CDH23: variants seen among roughly 807,000 people sequenced by gnomAD.
CDH23 encodes cadherin related 23.
CDH23 carries 189 observed loss-of-function variants against 317.1 expected under a neutral mutation model. That is an observed-to-expected ratio of 0.60 (90% CI 0.53 to 0.67). The LOEUF is 0.67. CDH23 is among the 30% of genes least tolerant of loss of function. CDH23 has a pLI of 0.00. For synonymous variants in CDH23, 1,839 were observed against 1,876.8 expected (o/e 0.98, Z 0.52); for missense variants, 4,401 against 4,592.4 (o/e 0.96, Z 1.20).
chr10:71,417,928 G>T (rs112004862), intron 1 of CDH23, among the ~76,000 whole-genome samples: 3 of 152,104 alleles, frequency 2.0e-5, no homozygotes, highest in Non-Finnish European at 2.9e-5. Context: ...TATTTTCTGC[G>T]GGTCTATTTT....
chr10:71,452,869 C>T (rs771889941), intron 3 of CDH23, among the ~76,000 whole-genome samples: 48 of 152,248 alleles, frequency 3.2e-4, no homozygotes, highest in Non-Finnish European at 5.9e-4. Flanking sequence ...CAGTGATTGT[C>T]CTGGAGAGAT....
intron 6 of CDH23, among the ~76,000 whole-genome samples, chr10:71,555,768 T>A (rs1856843148): frequency 6.6e-6 from 1 of 152,188 alleles, no homozygotes; most frequent in Non-Finnish European, 1.5e-5. Flanking sequence ...TGTTTCATGC[T>A]TGGGTATCAC....
chr10:71,451,228 G>T (rs868281684), intron 3 of CDH23, among the ~76,000 whole-genome samples: 22 of 152,250 alleles, frequency 1.4e-4, no homozygotes, highest in Admixed American at 2.6e-4. Context: ...TACCCCAGCA[G>T]CTTCCTCAGG....
At chr10:71,400,387 G>C (rs78921389) in intron 1 of CDH23, among the ~76,000 whole-genome samples, 4,076 of 151,690 alleles carry the variant, frequency 0.027, 111 homozygotes, top group African/African-American at 0.066. Flanking sequence ...AGAGAGGGCA[G>C]CTCTGCCAGG....
At position 71,645,904 on chromosome 10, in the gene CDH23, T is replaced by A; in HGVS notation, c.1214T>A (p.Val405Asp). ...CACTTCATCATCTCCCCGACCTCCGTCCAGGGGAAGGCGGACATTCGTATT... is the reference window on the plus strand; with the variant it reads ...CACTTCATCATCTCCCCGACCTCCGACCAGGGGAAGGCGGACATTCGTATT... ...SHHFIISPTS[V>D]QGKADIRIRV... Residue 405 changes from valine (V) to aspartate (D), a missense_variant, in exon 13 of 70, where the codon GTC (valine) becomes GAC (aspartate). By Grantham distance (152) the Val-to-Asp change is radical (BLOSUM62 -3). This residue lies in a region of CDH23 where 3,068 missense variants were observed against 3,203.3 expected (regional missense o/e 0.96). Coordinates refer to ENST00000224721, the MANE Select transcript of CDH23 (RefSeq NM_022124.6). 6.2e-7 allele frequency: 1 copy of A among 1,613,642 alleles called. No individual in the cohort carries two copies. Among genetic ancestry groups the A allele is most frequent in the Non-Finnish European group, 8.5e-7 (1 of 1,179,694 alleles).
Position 71,788,984 on chromosome 10 carries a change from C to T in CDH23, c.5865C>T (p.Asn1955=), listed in dbSNP as rs762382800. Reference sequence around the variant, plus strand: ...TCTTCCTTTCTGATGAGAATGACAACCACCCCCTCTTCACTAAAAGCACCT... The same window carrying T: ...TCTTCCTTTCTGATGAGAATGACAATCACCCCCTCTTCACTAAAAGCACCT... ...LLIFLSDEND[N]HPLFTKSTYQ... The change falls in exon 45 of 70, where the codon AAC becomes AAT. Residue 1955 remains asparagine (N), a synonymous_variant. Transcript: ENST00000224721. 3.1e-6 allele frequency: 5 copies of T among 1,605,668 alleles called. No individual in the cohort carries two copies. The highest frequency in any genetic ancestry group is 3.4e-6 in the Non-Finnish European group (4 of 1,172,456).
chr10:71,444,695 G>A (rs935643466), intron 2 of CDH23, among the ~76,000 whole-genome samples: 4 of 152,228 alleles, frequency 2.6e-5, no homozygotes, highest in Non-Finnish European at 2.9e-5. Flanking sequence ...GTCCCAACTA[G>A]GAGGCATCTT....
At position 71,760,183 on chromosome 10, in the gene CDH23, ATATATATGTATATACATATATATGTG is replaced by A. The variant is rs1254807290; in HGVS notation, c.4846-17495_4846-17470del. ...TATGTATATACATATATATGTGTGT[ATATATATGTATATACATATATATGTG>A]TGTATATATGTGTATATATATGTAT... is the stretch of plus-strand genomic sequence containing the variant. On this transcript the variant is annotated intron_variant, in intron 38 of 69. Transcript: ENST00000224721. Among the ~76,000 whole-genome samples, 3 of 53,982 alleles carry A rather than the reference ATATATATGTATATACATATATATGTG, an allele frequency of 5.6e-5. 1 individual carries two copies. The highest frequency in any genetic ancestry group is 1.8e-4 in the African/African-American group (2 of 11,118). 35.4% of individuals were successfully genotyped at this position (53,982 alleles called of 152,430 possible). A position where few individuals can be genotyped will look rare whatever the true frequency, so the allele number is the denominator to read the frequency against.
intron 9 of CDH23, among the ~76,000 whole-genome samples, chr10:71,583,809 CAAGGAAAGCA>C (rs1235016154): frequency 1.3e-5 from 2 of 152,094 alleles, no homozygotes; most frequent in Non-Finnish European, 2.9e-5. Context: ...GAGACATAGA[CAAGGAAAGCA>C]AGGCTCAGAG....
At chr10:71,741,988 G>T (rs1243276103) in intron 38 of CDH23, 67 bp downstream of exon 38, 2 of 1,254,648 alleles carry the variant, frequency 1.6e-6, no homozygotes, top group South Asian at 1.4e-5. Context: ...CGAGTGAGGG[G>T]AACAAGATGG....
intron 27 of CDH23, among the ~76,000 whole-genome samples, chr10:71,710,712 C>A (rs1865940855): frequency 1.3e-5 from 2 of 152,244 alleles, no homozygotes; most frequent in Non-Finnish European, 2.9e-5. Context: ...GGTTTCAGTA[C>A]ATGAAGAAGC....
At chr10:71,409,287 G>A (rs910291540) in intron 1 of CDH23, among the ~76,000 whole-genome samples, 2 of 152,158 alleles carry the variant, frequency 1.3e-5, no homozygotes, top group African/African-American at 4.8e-5. Flanking sequence ...ACACAAAGGG[G>A]CTGGTGAACC....
At chr10:71,409,930 G>C (rs377727787) in intron 1 of CDH23, among the ~76,000 whole-genome samples, 4 of 152,152 alleles carry the variant, frequency 2.6e-5, no homozygotes, top group African/African-American at 9.7e-5. Context: ...GGTCTGGGTG[G>C]GTGTGGCCAG....
chr10:71,674,374 G>A (rs928732886), intron 14 of CDH23, among the ~76,000 whole-genome samples: 1 of 152,180 alleles, frequency 6.6e-6, no homozygotes, highest in Non-Finnish European at 1.5e-5. Context: ...TTAGCCATGA[G>A]GGCTTTATCC....
chr10:71,403,330 T>C (rs7915719), intron 1 of CDH23, among the ~76,000 whole-genome samples: 9,962 of 41,396 alleles, frequency 0.24, 1,964 homozygotes, highest in African/African-American at 0.45. Flanking sequence ...TTCCTTCCTT[T>C]CTTTCTTTCT....
At chr10:71,403,351 C>A (rs1205151430) in intron 1 of CDH23, among the ~76,000 whole-genome samples, 1 of 86,086 alleles carries the variant, frequency 1.2e-5, no homozygotes, top group Non-Finnish European at 2.1e-5. Context: ...TTCTTTCTTT[C>A]TTTCTTTCTT....
chr10:71,406,810 G>A (rs560633246), intron 1 of CDH23, among the ~76,000 whole-genome samples: 1 of 152,304 alleles, frequency 6.6e-6, no homozygotes, highest in Admixed American at 6.5e-5. Flanking sequence ...GCCCATCAGT[G>A]GCCCCTACCC....
intron 20 of CDH23, among the ~76,000 whole-genome samples, chr10:71,692,487 C>T (rs940363684): frequency 3.3e-5 from 5 of 152,206 alleles, no homozygotes; most frequent in Admixed American, 2.6e-4. Flanking sequence ...TCTATCATGC[C>T]GACAAGTTCA....
intron 14 of CDH23, chr10:71,647,034 G>T: frequency 1.0e-6 from 1 of 985,456 alleles, no homozygotes; most frequent in South Asian, 4.7e-5. Flanking sequence ...ACCCCCAGCT[G>T]CCCATGGCTG....
Sources: gnomAD v4.1 joint callset for allele counts (sites outside exome capture counted in the v4.1 genomes callset) on GRCh38, gnomAD v4.1.1 for gene constraint, gnomAD v4.1.1 regional missense constraint, MANE v1.5 for transcripts, NCBI Gene and HGNC (gene_info 2026-07-23, HGNC 2026-07-21) for gene names.